The following TCF12 variants were observed in gnomAD, a reference collection of about 807,000 sequenced individuals.
TCF12 encodes the protein DNA-binding protein HTF4.
In TCF12, 45 loss-of-function variants were observed where a neutral mutation model predicts 86.0. That is an observed-to-expected ratio of 0.52 (90% CI 0.41 to 0.67). TCF12 has a LOEUF of 0.67. Among genes scored for constraint, TCF12 ranks in the 30% least tolerant of loss-of-function variants. The pLI is 0.00. For synonymous variants in TCF12, 330 were observed against 299.6 expected (o/e 1.10, Z -1.05); for missense variants, 881 against 859.9 (o/e 1.02, Z -0.31).
chr15:57,000,679 A>C (rs1200075898), intron 3 of TCF12, among the ~76,000 whole-genome samples: 1 of 152,074 alleles, frequency 6.6e-6, no homozygotes, highest in East Asian at 1.9e-4. Context: ...TGAACATAAA[A>C]ACTGGTTCTT....
chr15:57,177,674 CTTCA>C (rs553717355), intron 6 of TCF12, among the ~76,000 whole-genome samples: 2 of 139,556 alleles, frequency 1.4e-5, no homozygotes, highest in African/African-American at 5.4e-5. Flanking sequence ...AGGGAAAAAA[CTTCA>C]TTCATTCTTT....
chr15:57,015,630 T>C (rs962879090), intron 3 of TCF12, among the ~76,000 whole-genome samples: 1 of 152,224 alleles, frequency 6.6e-6, no homozygotes, highest in Non-Finnish European at 1.5e-5. Context: ...TTATGGGTGC[T>C]GTCTCTGGAG....
intron 5 of TCF12, among the ~76,000 whole-genome samples, chr15:57,158,996 A>G (rs1282659232): frequency 6.6e-6 from 1 of 152,266 alleles, no homozygotes; most frequent in Non-Finnish European, 1.5e-5. Flanking sequence ...CTTTTCTTTA[A>G]AAACAAAAAA....
intron 3 of TCF12, among the ~76,000 whole-genome samples, chr15:57,020,987 T>TA (rs1172816233): frequency 2.6e-5 from 4 of 152,216 alleles, no homozygotes; most frequent in African/African-American, 9.6e-5. Flanking sequence ...CACCTTTTTT[T>TA]AGACTTTATG....
At chr15:56,962,673 T>C (rs1207190026) in intron 3 of TCF12, among the ~76,000 whole-genome samples, 1 of 152,196 alleles carries the variant, frequency 6.6e-6, no homozygotes. Flanking sequence ...AGTTTTCTCA[T>C]TGAACAGAAA....
intron 19 of TCF12, among the ~76,000 whole-genome samples, chr15:57,276,407 C>T (rs1176744085): frequency 5.9e-5 from 9 of 152,140 alleles, no homozygotes; most frequent in African/African-American, 1.9e-4. Flanking sequence ...CATTTTAACC[C>T]ACAAGGACAG....
At chr15:56,954,191 C>T (rs969235628) in intron 3 of TCF12, among the ~76,000 whole-genome samples, 14 of 152,012 alleles carry the variant, frequency 9.2e-5, no homozygotes, top group African/African-American at 3.4e-4. Context: ...GTTATTCATG[C>T]TCCACATATT....
intron 4 of TCF12, among the ~76,000 whole-genome samples, chr15:57,065,901 T>G (rs2068835310): frequency 6.6e-6 from 1 of 152,196 alleles, no homozygotes; most frequent in African/African-American, 2.4e-5. Context: ...GAACCACATA[T>G]GTATTTCTAC....
chr15:57,195,762 T>C (rs1350742881), intron 7 of TCF12, among the ~76,000 whole-genome samples: 1 of 152,210 alleles, frequency 6.6e-6, no homozygotes, highest in African/African-American at 2.4e-5. Flanking sequence ...CCAGCATTTT[T>C]GGAGGCCAAG....
At chr15:57,070,113 C>A (rs1024437025) in intron 4 of TCF12, among the ~76,000 whole-genome samples, 9 of 152,050 alleles carry the variant, frequency 5.9e-5, no homozygotes, top group African/African-American at 2.2e-4. Context: ...AGGGGAAAAC[C>A]AGTTGTGTGG....
chr15:57,080,648 C>A (rs2070554489), intron 4 of TCF12, among the ~76,000 whole-genome samples: 1 of 152,138 alleles, frequency 6.6e-6, no homozygotes, highest in Admixed American at 6.5e-5. Context: ...AGGGCCCTGA[C>A]CCAAAAGATT....
intron 3 of TCF12, among the ~76,000 whole-genome samples, chr15:57,000,543 T>C (rs549822402): frequency 6.6e-6 from 1 of 152,176 alleles, no homozygotes; most frequent in African/African-American, 2.4e-5. Context: ...GACAAAAGAT[T>C]GAAAATTAAT....
intron 5 of TCF12, among the ~76,000 whole-genome samples, chr15:57,156,178 AT>A (rs760156898): frequency 6.6e-6 from 1 of 152,198 alleles, no homozygotes; most frequent in Non-Finnish European, 1.5e-5. Flanking sequence ...AAATCCCTAT[AT>A]TTTTAGCAGC....
At chr15:57,230,479 A>G (rs749897751) in intron 8 of TCF12, among the ~76,000 whole-genome samples, 1 of 152,040 alleles carries the variant, frequency 6.6e-6, no homozygotes, top group Admixed American at 6.5e-5. Context: ...TTGCTAATTC[A>G]AAATGTTTAT....
At chr15:57,239,107 C>G (rs1410991402) in intron 12 of TCF12, among the ~76,000 whole-genome samples, 2 of 152,128 alleles carry the variant, frequency 1.3e-5, no homozygotes, top group African/African-American at 4.8e-5. Flanking sequence ...AATCCCAGCA[C>G]TTTAGGAGGC....
At chr15:56,940,814 G>C (rs2060732714) in intron 3 of TCF12, among the ~76,000 whole-genome samples, 1 of 149,008 alleles carries the variant, frequency 6.7e-6, no homozygotes, top group South Asian at 2.1e-4. Flanking sequence ...GGGGTACAGT[G>C]GTATGATCAT....
At chr15:57,154,021 AAG>A (rs1567527211) in intron 5 of TCF12, among the ~76,000 whole-genome samples, 2 of 152,070 alleles carry the variant, frequency 1.3e-5, no homozygotes, top group Non-Finnish European at 2.9e-5. Context: ...GAAAAGAAAA[AAG>A]AAGTTTGAGA....
At chr15:57,088,572 A>G (rs1327341967) in intron 4 of TCF12, among the ~76,000 whole-genome samples, 2 of 149,216 alleles carry the variant, frequency 1.3e-5, no homozygotes, top group Non-Finnish European at 3.0e-5. Context: ...GTGTTTTAAT[A>G]TGGTTTCAGT....
chr15:57,050,012 T>C (rs1348540923), intron 3 of TCF12, among the ~76,000 whole-genome samples: 1 of 152,228 alleles, frequency 6.6e-6, no homozygotes, highest in East Asian at 1.9e-4. Context: ...TAGGGGTTCC[T>C]CTAGGAATTA....
Sources: gnomAD v4.1 joint callset for allele counts (sites outside exome capture counted in the v4.1 genomes callset) on GRCh38, gnomAD v4.1.1 for gene constraint, MANE v1.5 for transcripts, NCBI Gene and HGNC (gene_info 2026-07-23, HGNC 2026-07-21) for gene names.